The following PRIMPOL variants were observed in gnomAD, a reference collection of about 807,000 sequenced individuals.
PRIMPOL encodes the protein DNA-directed primase/polymerase protein.
Under a neutral mutation model 63.6 loss-of-function variants are expected in PRIMPOL, and 54 were observed. That is an observed-to-expected ratio of 0.85 (90% CI 0.68 to 1.07). PRIMPOL has a LOEUF of 1.07. Among genes scored for constraint, PRIMPOL ranks in the 50% least tolerant of loss-of-function variants. The pLI, the probability that PRIMPOL is intolerant of heterozygous loss-of-function variation, is 0.00. For synonymous variants in PRIMPOL, 197 were observed against 220.2 expected (o/e 0.89, Z 0.93); for missense variants, 610 against 648.3 (o/e 0.94, Z 0.64).
At chr4:184,658,567 A>T (rs1251387767) in intron 3 of PRIMPOL, among the ~76,000 whole-genome samples, 1 of 152,182 alleles carries the variant, frequency 6.6e-6, no homozygotes, top group Non-Finnish European at 1.5e-5. Context: ...GGCAGGAGGC[A>T]TGAGCAGTTA....
intron 2 of PRIMPOL, among the ~76,000 whole-genome samples, chr4:184,654,414 A>G (rs935720444): frequency 1.3e-5 from 2 of 150,984 alleles, no homozygotes; most frequent in African/African-American, 4.9e-5. Context: ...GAATCTAGCA[A>G]TAAGGAGCCA....
chr4:184,654,721 G>A (rs1021509395), intron 2 of PRIMPOL, among the ~76,000 whole-genome samples: 1 of 151,962 alleles, frequency 6.6e-6, no homozygotes, highest in Non-Finnish European at 1.5e-5. Flanking sequence ...GAAAGTGCTG[G>A]GATTACAAGC....
intron 1 of PRIMPOL, among the ~76,000 whole-genome samples, chr4:184,651,002 G>C (rs1744193409): frequency 6.6e-6 from 1 of 152,188 alleles, no homozygotes; most frequent in African/African-American, 2.4e-5. Context: ...AGTTTAAAGA[G>C]GTTAAGTCCC....
At chr4:184,653,844 TGTGATA>T (rs569798311) in intron 2 of PRIMPOL, among the ~76,000 whole-genome samples, 71 of 152,342 alleles carry the variant, frequency 4.7e-4, no homozygotes, top group Admixed American at 1.3e-3. Flanking sequence ...GGATGAGGAA[TGTGATA>T]GTCCCAAACC....
rs1376031030 is a variant in PRIMPOL at position 184,672,438 on chromosome 4, G to A, written c.822G>A (p.Glu274=). ...TAGTTGTGAAGAATAACATGGGAGA[G>A]AAGCATCTTTTTGTAGATCTCGGTA... is the stretch of plus-strand genomic sequence containing the variant. The part of the protein sequence containing the change: ...SFLVVKNNMG[E]KHLFVDLGVY... The change falls in exon 7 of 14, where the codon GAG becomes GAA. Residue 274 remains glutamate, a synonymous_variant. Transcript: ENST00000314970. The A allele has an allele frequency of 3.1e-6, 5 of 1,609,490 alleles. No homozygotes were observed. The highest frequency in any genetic ancestry group is 1.1e-5 in the South Asian group (1 of 90,176).
chr4:184,687,384 T>C (rs1757263858), intron 11 of PRIMPOL, among the ~76,000 whole-genome samples: 1 of 151,928 alleles, frequency 6.6e-6, no homozygotes, highest in African/African-American at 2.4e-5. Context: ...AACACACTTG[T>C]ATACGCACAT....
intron 11 of PRIMPOL, among the ~76,000 whole-genome samples, chr4:184,688,043 G>A (rs1259400299): frequency 6.6e-6 from 1 of 152,150 alleles, no homozygotes; most frequent in African/African-American, 2.4e-5. Flanking sequence ...TCACTATTGT[G>A]CAGCATGCCA....
intron 13 of PRIMPOL, among the ~76,000 whole-genome samples, chr4:184,692,997 TTG>T (rs1425444466): frequency 6.6e-6 from 1 of 152,126 alleles, no homozygotes; most frequent in Non-Finnish European, 1.5e-5. Flanking sequence ...AAATTGTAGT[TTG>T]TGTTTTGTTT....
intron 2 of PRIMPOL, among the ~76,000 whole-genome samples, chr4:184,654,241 C>T (rs1224255401): frequency 2.0e-5 from 3 of 152,216 alleles, no homozygotes; most frequent in African/African-American, 7.2e-5. Flanking sequence ...TAGCTAGATT[C>T]AGATGTGATT....
At chr4:184,659,633 A>G (rs1747697244) in intron 4 of PRIMPOL, among the ~76,000 whole-genome samples, 196 bp downstream of exon 4, 1 of 152,216 alleles carries the variant, frequency 6.6e-6, no homozygotes, top group Non-Finnish European at 1.5e-5. Context: ...GGAGAAAATA[A>G]TCATGCACAT....
intron 13 of PRIMPOL, among the ~76,000 whole-genome samples, chr4:184,693,098 A>G (rs560127933): frequency 6.6e-6 from 1 of 152,292 alleles, no homozygotes; most frequent in East Asian, 1.9e-4. Flanking sequence ...TGGGGTTTAT[A>G]TTCTAGAAAA....
At chr4:184,672,093 CAT>C in intron 6 of PRIMPOL, 78 bp from the exon 7 acceptor site, 1 of 1,281,638 alleles carries the variant, frequency 7.8e-7, no homozygotes, top group African/African-American at 1.5e-5. Flanking sequence ...GTAAAATTGT[CAT>C]ATGTGGATTC....
At chr4:184,691,377 T>C in intron 11 of PRIMPOL, 122 bp from the exon 12 acceptor site, 1 of 650,192 alleles carries the variant, frequency 1.5e-6, no homozygotes, top group Non-Finnish European at 2.7e-6. Flanking sequence ...CCTTATCCTT[T>C]TACTTTTTAA....
At chr4:184,663,907 G>T (rs189802378) in intron 5 of PRIMPOL, among the ~76,000 whole-genome samples, 4 of 152,272 alleles carry the variant, frequency 2.6e-5, no homozygotes, top group East Asian at 3.9e-4. Flanking sequence ...GCATAATTAG[G>T]TTAGCTCTTA....
chr4:184,677,978 A>C (rs1379030232), intron 7 of PRIMPOL, among the ~76,000 whole-genome samples: 1 of 152,210 alleles, frequency 6.6e-6, no homozygotes, highest in Non-Finnish European at 1.5e-5. Context: ...TAGTACCTGC[A>C]TCCAGCTTTT....
chr4:184,661,655 G>A (rs191706174), intron 4 of PRIMPOL, 119 bp from the exon 5 acceptor site: 95 of 563,440 alleles, frequency 1.7e-4, no homozygotes, highest in African/African-American at 1.6e-3. Context: ...GCAGTGAACC[G>A]AGATCACACC....
chr4:184,659,657 C>T (rs560372235), intron 4 of PRIMPOL, among the ~76,000 whole-genome samples: 42 of 152,146 alleles, frequency 2.8e-4, no homozygotes, highest in Non-Finnish European at 4.1e-4. Context: ...CGAATATATG[C>T]GTGTACTCAA....
At position 184,685,672 on chromosome 4, in the gene PRIMPOL, G is replaced by T; in HGVS notation, c.1283G>T (p.Ser428Ile). Residue 428 changes from serine to isoleucine, a missense_variant, in exon 11 of 14, where the codon AGT becomes ATT. Physicochemically the swap from Ser to Ile is moderately radical, Grantham distance 142. This residue lies in a region of PRIMPOL where 444 missense variants were observed against 456.4 expected (regional missense o/e 0.97). Transcript: ENST00000314970. ...WCENIGRAHK[S>I]NNIMILVDLK... ...GAAAACATTGGAAGAGCCCATAAGA[G>T]TAATAATATAATGTAAGTAATATTA... The T allele has an allele frequency of 6.8e-7, 1 of 1,479,066 alleles. No homozygotes were observed. The highest frequency in any genetic ancestry group is 9.4e-7 in the Non-Finnish European group (1 of 1,060,996). The allele number at this position is 1,479,066 out of a possible 1,614,324, so 91.6% of individuals were successfully genotyped here.
chr4:184,651,053 G>A (rs1464573716), intron 1 of PRIMPOL, among the ~76,000 whole-genome samples: 1 of 152,148 alleles, frequency 6.6e-6, no homozygotes, highest in Non-Finnish European at 1.5e-5. Context: ...ACTTTGGGAG[G>A]CCGAGGCAGG....
Sources: gnomAD v4.1 joint callset for allele counts (sites outside exome capture counted in the v4.1 genomes callset) on GRCh38, gnomAD v4.1.1 for gene constraint, gnomAD v4.1.1 regional missense constraint, MANE v1.5 for transcripts, NCBI Gene and HGNC (gene_info 2026-07-23, HGNC 2026-07-21) for gene names.